KIF25: variants seen among roughly 807,000 people sequenced by gnomAD.
KIF25 encodes the protein kinesin family member 25.
In KIF25, 19 loss-of-function variants were observed where a neutral mutation model predicts 32.9. That is an observed-to-expected ratio of 0.58 (90% CI 0.40 to 0.85). The LOEUF (loss-of-function observed/expected upper bound fraction) is 0.85. KIF25 is among the 40% of genes least tolerant of loss of function. The pLI is 0.00. For missense variants in KIF25, 485 were observed against 507.0 expected (o/e 0.96, Z 0.42); for synonymous variants, 225 against 213.7 (o/e 1.05, Z -0.46).
intron 9 of KIF25, among the ~76,000 whole-genome samples, chr6:168,039,194 G>T (rs148136984): frequency 1.6e-4 from 24 of 152,180 alleles, no homozygotes; most frequent in African/African-American, 5.1e-4. Flanking sequence ...CTTCATAAGA[G>T]CCCCTCAGAT....
At chr6:168,031,694 G>T (rs1317978902) in intron 7 of KIF25, among the ~76,000 whole-genome samples, 1 of 152,178 alleles carries the variant, frequency 6.6e-6, no homozygotes, top group Non-Finnish European at 1.5e-5. Flanking sequence ...TTTTAAGTAG[G>T]CATCTTTTAA....
intron 5 of KIF25, among the ~76,000 whole-genome samples, chr6:168,026,262 G>C (rs561144906): frequency 6.6e-6 from 1 of 152,158 alleles, no homozygotes; most frequent in Admixed American, 6.5e-5. Flanking sequence ...AGTTCATGCC[G>C]ACACGTGTCT....
At chr6:168,013,352 G>A (rs1023974694) in intron 4 of KIF25, among the ~76,000 whole-genome samples, 10 of 152,016 alleles carry the variant, frequency 6.6e-5, no homozygotes, top group Admixed American at 5.2e-4. Flanking sequence ...AGTCACAGCT[G>A]ATCCTGGGCC....
intron 9 of KIF25, among the ~76,000 whole-genome samples, chr6:168,039,545 T>C (rs939486325): frequency 6.6e-6 from 1 of 152,210 alleles, no homozygotes; most frequent in Admixed American, 6.5e-5. Context: ...CCATGCTGAA[T>C]GTTTCACAGA....
chr6:167,999,392 A>C (rs922294596), intron 2 of KIF25, 72 bp downstream of exon 2: 16 of 152,216 alleles, frequency 1.1e-4, no homozygotes, highest in Admixed American at 9.2e-4. Flanking sequence ...CACAATTTTA[A>C]ATGCCGTCTA....
In KIF25 at chr6:168,024,482, G is replaced by A. The variant is rs183248684; in HGVS notation, c.-94-5010G>A. On this transcript the variant is annotated intron_variant, in intron 5 of 12. Transcript: ENST00000643607. ...GTGCTTCAGAGTAATCTGGTGTTGG[G>A]CTAGGTAAGGAGGGAAATGGGGTTG... 5.1e-4 allele frequency among the ~76,000 whole-genome samples: 72 copies of A among 140,034 alleles called. No homozygotes were observed. In the East Asian group the frequency reaches 0.015, roughly 29 times the overall value. 91.9% of individuals were successfully genotyped at this position (140,034 alleles called of 152,430 possible). A position where few individuals can be genotyped will look rare whatever the true frequency, so the allele number is the denominator to read the frequency against.
intron 5 of KIF25, among the ~76,000 whole-genome samples, chr6:168,022,032 T>C (rs73042810): frequency 0.034 from 5,161 of 152,334 alleles, 102 homozygotes; most frequent in Non-Finnish European, 0.049. Context: ...CTTGGGACTT[T>C]TAATCTTTGA....
chr6:168,028,316 C>G (rs573493284), intron 5 of KIF25, among the ~76,000 whole-genome samples: 7 of 152,258 alleles, frequency 4.6e-5, no homozygotes, highest in African/African-American at 1.7e-4. Flanking sequence ...TCCCAAAGTG[C>G]TAGGATTACA....
chr6:168,044,545 G>A (rs1452159525), intron 12 of KIF25, among the ~76,000 whole-genome samples: 3 of 109,358 alleles, frequency 2.7e-5, no homozygotes, highest in African/African-American at 9.7e-5. Flanking sequence ...CTCCCTGACC[G>A]GGGTGAGGGG....
chr6:168,020,041 G>A (rs1041436866), intron 5 of KIF25, among the ~76,000 whole-genome samples: 21 of 152,150 alleles, frequency 1.4e-4, no homozygotes, highest in African/African-American at 5.1e-4. Flanking sequence ...TGAGGCAGGA[G>A]AATCGCTTGA....
intron 4 of KIF25, among the ~76,000 whole-genome samples, chr6:168,007,961 G>A (rs571072202): frequency 7.2e-5 from 11 of 152,324 alleles, no homozygotes; most frequent in South Asian, 6.2e-4. Context: ...TGGGCCCACA[G>A]GCCCTACTGC....
intron 4 of KIF25, among the ~76,000 whole-genome samples, chr6:168,007,870 C>T (rs1328550088): frequency 6.6e-6 from 1 of 152,198 alleles, no homozygotes; most frequent in Non-Finnish European, 1.5e-5. Flanking sequence ...ATCTTAGGAT[C>T]CATCTTAGTT....
chr6:168,034,917 T>C (rs1035983384), intron 8 of KIF25, among the ~76,000 whole-genome samples: 1 of 152,044 alleles, frequency 6.6e-6, no homozygotes, highest in Non-Finnish European at 1.5e-5. Flanking sequence ...TCCTAGCACT[T>C]TGGGAGGTCG....
In KIF25 at chr6:168,043,561, C is replaced by T. The variant is rs150528366; in HGVS notation, c.985+845C>T. Among the ~76,000 whole-genome samples the T allele has an allele frequency of 4.7e-3, 721 of 152,346 alleles. 10 individuals carry two copies. Among genetic ancestry groups the T allele is most frequent in the African/African-American group, 0.016 (667 of 41,576 alleles). ...TCATGGCAAATTGGCTTCCTCCACA[C>T]GGTGAATAACAGGGCTGTTCACAGG... is the stretch of plus-strand genomic sequence containing the variant. On this transcript the variant is annotated intron_variant, in intron 12 of 12. Coordinates refer to ENST00000643607, the MANE Select transcript of KIF25 (RefSeq NM_030615.4).
chr6:168,014,542 T>C (rs747545829), intron 4 of KIF25, among the ~76,000 whole-genome samples: 25 of 152,242 alleles, frequency 1.6e-4, no homozygotes, highest in Non-Finnish European at 3.1e-4. Flanking sequence ...TCAAATCTGC[T>C]GAGAAAGCAA....
chr6:168,033,414 T>C (rs10945461), intron 7 of KIF25, among the ~76,000 whole-genome samples: 36,657 of 151,110 alleles, frequency 0.24, 4,743 homozygotes, highest in Non-Finnish European at 0.32. Context: ...GCAGGAGAAT[T>C]GCTTGAACCC....
chr6:168,042,176 G>A, intron 11 of KIF25, 25 bp downstream of exon 11: 2 of 1,541,134 alleles, frequency 1.3e-6, no homozygotes, highest in South Asian at 1.2e-5. Flanking sequence ...GCATTTCCCT[G>A]GGGGGTGGGT....
chr6:168,019,688 G>C (rs1798762298), intron 5 of KIF25, among the ~76,000 whole-genome samples: 1 of 152,156 alleles, frequency 6.6e-6, no homozygotes, highest in South Asian at 2.1e-4. Flanking sequence ...TGTCAATTTT[G>C]TTATATGTAT....
At position 168,042,568 on chromosome 6, in the gene KIF25, T is replaced by C; in HGVS notation, c.837T>C (p.Ser279=). Reference sequence around the variant, plus strand: ...CGTGGCGGTCCTGTCCAGGTGTGTCTGGAGTGACCGGGTTGGCCCTGAGGG... The same window carrying C: ...CGTGGCGGTCCTGTCCAGGTGTGTCCGGAGTGACCGGGTTGGCCCTGAGGG... ...DSAGSECVGV[S]GVTGLALREM... is the part of the protein sequence containing the mutation. Residue 279 remains serine (S), a synonymous_variant, in exon 12 of 13, where the codon TCT becomes TCC. Coordinates refer to ENST00000643607, the MANE Select transcript of KIF25 (RefSeq NM_030615.4). 6.2e-7 allele frequency: 1 copy of C among 1,613,600 alleles called. No homozygotes were observed.
Sources: allele counts gnomAD v4.1 joint callset (sites outside exome capture counted in the v4.1 genomes callset), GRCh38; gene constraint gnomAD v4.1.1; transcripts MANE v1.5; gene names NCBI Gene and HGNC (gene_info 2026-07-23, HGNC 2026-07-21).